Variants in SOX30 observed in about 807,000 individuals in gnomAD.
SOX30 encodes transcription factor SOX-30.
In SOX30, 17 loss-of-function variants were observed where a neutral mutation model predicts 58.6. That is an observed-to-expected ratio of 0.29 (90% CI 0.20 to 0.44). The LOEUF (loss-of-function observed/expected upper bound fraction) is 0.44. Ranked by LOEUF, SOX30 falls within the 20% of genes least tolerant of loss-of-function variation. SOX30 has a pLI of 1.00. For missense variants in SOX30, 951 were observed against 965.8 expected, an observed-to-expected ratio of 0.98 and a Z score of 0.20; for synonymous variants, 421 against 400.2, an observed-to-expected ratio of 1.05 and a Z score of -0.62.
chr5:157,638,210 G>A lies in SOX30; in HGVS notation c.1880+20C>T, dbSNP rs1561580956. On this transcript the variant is annotated intron_variant, in intron 4 of 4. Coordinates refer to ENST00000265007, the MANE Select transcript of SOX30 (RefSeq NM_178424.2). ...CATTAGCTGAATGTTTAGGTAAAAG[G>A]AAAAAAAATGTTAATTTACCTTGAT... 1 of 1,506,610 alleles carries A rather than the reference G, an allele frequency of 6.6e-7. No individual in the cohort carries two copies. 93.3% of individuals were successfully genotyped at this position (1,506,610 alleles called of 1,614,324 possible).
intron 2 of SOX30, among the ~76,000 whole-genome samples, chr5:157,662,119 G>A (rs1373555687): frequency 1.3e-5 from 2 of 152,106 alleles, no homozygotes; most frequent in Non-Finnish European, 2.9e-5. Flanking sequence ...TTTCATCTAA[G>A]TTGACAAATT....
chr5:157,664,246 A>T (rs1759628233), intron 2 of SOX30, among the ~76,000 whole-genome samples: 2 of 152,226 alleles, frequency 1.3e-5, no homozygotes, highest in South Asian at 4.1e-4. Context: ...CAAACCAGAG[A>T]TATAGACCAA....
intron 2 of SOX30, among the ~76,000 whole-genome samples, chr5:157,665,845 T>C (rs1759660079): frequency 6.6e-6 from 1 of 151,080 alleles, no homozygotes; most frequent in African/African-American, 2.4e-5. Context: ...GATTACACAG[T>C]GAGTCACTGC....
At chr5:157,644,133 GT>G (rs1561583382) in intron 3 of SOX30, among the ~76,000 whole-genome samples, 1 of 151,552 alleles carries the variant, frequency 6.6e-6, no homozygotes, top group East Asian at 1.9e-4. Flanking sequence ...AATGTTCTCT[GT>G]TTATCTTTTG....
intron 2 of SOX30, among the ~76,000 whole-genome samples, chr5:157,657,567 T>C (rs1257887425): frequency 1.3e-5 from 2 of 152,236 alleles, no homozygotes; most frequent in Non-Finnish European, 2.9e-5. Flanking sequence ...AGAAGTTAAC[T>C]GCATTGACTG....
At chr5:157,633,711 C>G (rs1758863648) in intron 4 of SOX30, among the ~76,000 whole-genome samples, 2 of 152,152 alleles carry the variant, frequency 1.3e-5, no homozygotes. Context: ...ACCTTTGATT[C>G]ATTTGCCTAA....
intron 1 of SOX30, among the ~76,000 whole-genome samples, chr5:157,670,590 G>A (rs907310739): frequency 1.3e-5 from 2 of 152,264 alleles, no homozygotes; most frequent in African/African-American, 2.4e-5. Context: ...TCCCAAGACC[G>A]CCTGAAGAAA....
rs557290989 is a variant in SOX30, at chr5:157,669,665, C to T, written c.-4+1665G>A. On this transcript the variant is annotated intron_variant, in intron 1 of 5. Coordinates refer to the SOX30 transcript ENST00000519442. ...CCTAGTGGCTGGCATTACCGGTGGG[C>T]GCTACCACGCCTGACTAATTTTTTT... Among the ~76,000 whole-genome samples, 13 of 151,992 alleles carry T rather than the reference C, an allele frequency of 8.6e-5. No homozygotes were observed. The South Asian group carries it at 1.0e-3, about 12-fold the overall frequency.
At chr5:157,644,237 C>A (rs901928292) in intron 3 of SOX30, among the ~76,000 whole-genome samples, 5 of 152,070 alleles carry the variant, frequency 3.3e-5, no homozygotes, top group African/African-American at 1.2e-4. Flanking sequence ...TCCCAAAGCA[C>A]CAGGATTACA....
chr5:157,634,277 G>C (rs1456318484), intron 4 of SOX30, among the ~76,000 whole-genome samples: 1 of 152,198 alleles, frequency 6.6e-6, no homozygotes, highest in Non-Finnish European at 1.5e-5. Flanking sequence ...GCAGTGGCAT[G>C]ATCTTGGCTC....
chr5:157,651,880 C>T lies in SOX30; in HGVS notation c.199G>A (p.Val67Met). Residue 67 changes from valine (V) to methionine (M), a missense_variant, in exon 1 of 5, where the codon GTG becomes ATG. Physicochemically the swap from Val to Met is conservative, Grantham distance 21 (BLOSUM62 1). Transcript: ENST00000265007. ...GGCTTCACCTGCAGCAGCCGCCGCA[C>T]CGCGGGCTGTAAGCCGGACGCCACT... ...EAVASGLQPA[V>M]RRLLQVKPEQ... 1 of 1,551,844 alleles carries T rather than the reference C, an allele frequency of 6.4e-7. No homozygotes were observed. Among genetic ancestry groups the T allele is most frequent in the South Asian group, 1.2e-5 (1 of 83,404 alleles).
chr5:157,667,797 C>A lies in SOX30; in HGVS notation c.52+1G>T, dbSNP rs973544291. 1.8e-5 allele frequency: 27 copies of A among 1,534,944 alleles called. No individual in the cohort carries two copies. Among genetic ancestry groups the A allele is most frequent in the Non-Finnish European group, 2.3e-5 (26 of 1,146,738 alleles). On this transcript the variant is annotated splice_donor_variant, in intron 2 of 5. Transcript: ENST00000519442. LOFTEE classifies it high-confidence loss of function. ...ACACACACACACACACACATACAAA[C>A]CTTGCTGGATGCACAGTAGACTTTG...
rs751506020 is a variant in SOX30 at position 157,651,805 on chromosome 5, C to T, written c.274G>A (p.Ala92Thr). The change falls in exon 1 of 5, where the codon GCT (alanine) becomes ACT (threonine). Residue 92 changes from alanine to threonine, a missense_variant. Ala to Thr is a moderately conservative substitution (Grantham distance 58, BLOSUM62 0). Around this residue, in one of 7 missense-constraint regions of SOX30, gnomAD observed 363 missense variants for 294.5 expected, o/e 1.23. Transcript: ENST00000265007. Reference sequence around the variant, plus strand: ...AGCCGCGCCTGCGCGGACGAGGCAGCGGCTTCCTCGTTCTGGGCCTGAGGC... The same window carrying T: ...AGCCGCGCCTGCGCGGACGAGGCAGTGGCTTCCTCGTTCTGGGCCTGAGGC... ...PQPQAQNEEA[A>T]ASSAQARLLQ... is the part of the protein sequence containing the mutation. 13 of 1,581,404 alleles carry T rather than the reference C, an allele frequency of 8.2e-6. No homozygotes were observed. The South Asian group carries it at 1.3e-4, about 15-fold the overall frequency.
intron 4 of SOX30, among the ~76,000 whole-genome samples, chr5:157,635,658 T>C (rs966448045): frequency 6.6e-6 from 1 of 150,706 alleles, no homozygotes; most frequent in Non-Finnish European, 1.5e-5. Flanking sequence ...AAGAACTTAC[T>C]TTCAAGAGCT....
At chr5:157,642,198 C>T (rs1022521850) in intron 3 of SOX30, among the ~76,000 whole-genome samples, 1 of 151,920 alleles carries the variant, frequency 6.6e-6, no homozygotes, top group African/African-American at 2.4e-5. Context: ...TGCCTGTAGT[C>T]CCAGCTATTC....
intron 1 of SOX30, chr5:157,667,931 C>T: frequency 7.0e-7 from 1 of 1,428,146 alleles, no homozygotes; most frequent in Non-Finnish European, 9.4e-7. Context: ...CTCATTCATT[C>T]CCCACAACAA....
chr5:157,650,167 C>T (rs1759294139), intron 1 of SOX30, among the ~76,000 whole-genome samples: 2 of 151,928 alleles, frequency 1.3e-5, no homozygotes, highest in Admixed American at 1.3e-4. Flanking sequence ...TTTAGGATTA[C>T]TTCATATATT....
At chr5:157,669,553 T>A (rs1282884742) in intron 1 of SOX30, among the ~76,000 whole-genome samples, 1 of 150,610 alleles carries the variant, frequency 6.6e-6, no homozygotes, top group East Asian at 2.0e-4. Flanking sequence ...TATTTCTCTG[T>A]CGCCCAGGCT....
intron 1 of SOX30, among the ~76,000 whole-genome samples, chr5:157,650,896 G>T (rs1356167298): frequency 1.3e-5 from 2 of 152,038 alleles, no homozygotes; most frequent in Non-Finnish European, 2.9e-5. Flanking sequence ...CCTTAAAATC[G>T]ATTTTTTAAA....
Sources: allele counts gnomAD v4.1 joint callset (sites outside exome capture counted in the v4.1 genomes callset), GRCh38; gene constraint gnomAD v4.1.1; regional missense constraint gnomAD v4.1.1; transcripts MANE v1.5; gene names NCBI Gene and HGNC (gene_info 2026-07-23, HGNC 2026-07-21).